SPOCK1: variants seen among roughly 807,000 people sequenced by gnomAD.
SPOCK1 encodes testican-1.
In SPOCK1, 23 loss-of-function variants were observed where a neutral mutation model predicts 55.3. That is an observed-to-expected ratio of 0.42 (90% CI 0.30 to 0.59). The LOEUF is 0.59. Among genes scored for constraint, SPOCK1 ranks in the 20% least tolerant of loss-of-function variants. SPOCK1 has a pLI of 0.22. For synonymous variants in SPOCK1, 226 were observed against 221.0 expected (o/e 1.02, Z -0.20); for missense variants, 499 against 552.5 (o/e 0.90, Z 0.97).
intron 2 of SPOCK1, among the ~76,000 whole-genome samples, chr5:137,344,934 C>T (rs1021065888): frequency 1.3e-5 from 2 of 152,222 alleles, no homozygotes; most frequent in African/African-American, 4.8e-5. Flanking sequence ...GGCAGCAGTG[C>T]TGTTAGCTTG....
intron 2 of SPOCK1, among the ~76,000 whole-genome samples, chr5:137,461,401 T>C (rs1288849917): frequency 6.6e-6 from 1 of 152,172 alleles, no homozygotes; most frequent in Non-Finnish European, 1.5e-5. Flanking sequence ...GGAAAAACCA[T>C]GGGGAACCAG....
intron 2 of SPOCK1, among the ~76,000 whole-genome samples, chr5:137,449,727 A>AAAAATAAAAT (rs374226935): frequency 0.019 from 2,860 of 151,554 alleles, 38 homozygotes; most frequent in African/African-American, 0.019. Flanking sequence ...CATCTCTATG[A>AAAAATAAAAT]AAAATAAAAT....
At chr5:137,205,434 T>A (rs1172764069) in intron 3 of SPOCK1, among the ~76,000 whole-genome samples, 1 of 152,088 alleles carries the variant, frequency 6.6e-6, no homozygotes, top group African/African-American at 2.4e-5. Flanking sequence ...TTACAGGAAA[T>A]GAATAATTGG....
chr5:137,445,617 T>C (rs1346828890), intron 2 of SPOCK1, among the ~76,000 whole-genome samples: 2 of 152,182 alleles, frequency 1.3e-5, no homozygotes, highest in African/African-American at 4.8e-5. Context: ...AGGATGATTT[T>C]TGTCATGTTA....
chr5:137,029,464 G>A (rs1751737087), intron 6 of SPOCK1, among the ~76,000 whole-genome samples: 1 of 152,188 alleles, frequency 6.6e-6, no homozygotes, highest in African/African-American at 2.4e-5. Flanking sequence ...CCCTTGTGCG[G>A]CAATTTATTT....
At chr5:137,371,370 T>A (rs1419205928) in intron 2 of SPOCK1, among the ~76,000 whole-genome samples, 1 of 152,236 alleles carries the variant, frequency 6.6e-6, no homozygotes, top group African/African-American at 2.4e-5. Context: ...CTTAGCATAG[T>A]GCTAGGCATA....
At chr5:137,291,500 T>C (rs918492574) in intron 2 of SPOCK1, among the ~76,000 whole-genome samples, 1 of 152,202 alleles carries the variant, frequency 6.6e-6, no homozygotes, top group Non-Finnish European at 1.5e-5. Context: ...GGCCCTGACA[T>C]CATGGTGTTT....
chr5:137,463,051 C>T (rs940784329), intron 2 of SPOCK1, among the ~76,000 whole-genome samples: 4 of 152,068 alleles, frequency 2.6e-5, no homozygotes, highest in South Asian at 2.1e-4. Context: ...CTGAGGACAA[C>T]GAGGAGTCAT....
At chr5:137,170,961 A>G (rs1754743588) in intron 3 of SPOCK1, among the ~76,000 whole-genome samples, 1 of 152,094 alleles carries the variant, frequency 6.6e-6, no homozygotes, top group South Asian at 2.1e-4. Flanking sequence ...CTTATCCTTA[A>G]TCACTGTGCT....
chr5:137,382,989 G>C (rs1751508436), intron 2 of SPOCK1, among the ~76,000 whole-genome samples: 1 of 152,076 alleles, frequency 6.6e-6, no homozygotes, highest in Non-Finnish European at 1.5e-5. Context: ...CCACGTAGAA[G>C]AGCCAGCACC....
intron 5 of SPOCK1, among the ~76,000 whole-genome samples, chr5:137,092,950 G>A (rs1414572583): frequency 2.6e-5 from 4 of 152,096 alleles, no homozygotes; most frequent in Admixed American, 2.0e-4. Context: ...CATGGCCAAG[G>A]GCCTGAGCAC....
chr5:137,317,809 T>G (rs982467875), intron 2 of SPOCK1, among the ~76,000 whole-genome samples: 2 of 152,220 alleles, frequency 1.3e-5, no homozygotes, highest in Non-Finnish European at 2.9e-5. Flanking sequence ...CTAGTCACGA[T>G]GGGCATATTT....
At chr5:137,000,152 G>A (rs1751122271) in intron 6 of SPOCK1, among the ~76,000 whole-genome samples, 1 of 152,158 alleles carries the variant, frequency 6.6e-6, no homozygotes, top group Non-Finnish European at 1.5e-5. Context: ...CAAGCTCGGA[G>A]GCCTCTCAGA....
chr5:137,313,398 C>G, intron 2 of SPOCK1: 1 of 985,182 alleles, frequency 1.0e-6, no homozygotes, highest in Non-Finnish European at 1.2e-6. Flanking sequence ...AAAAGTAAAG[C>G]CCAGCATTTT....
chr5:137,390,659 G>A (rs1751699927), intron 2 of SPOCK1, among the ~76,000 whole-genome samples: 1 of 152,116 alleles, frequency 6.6e-6, no homozygotes, highest in South Asian at 2.1e-4. Context: ...AACTACCAGA[G>A]GCAAAAAGGG....
intron 3 of SPOCK1, among the ~76,000 whole-genome samples, chr5:137,195,929 A>T (rs1755290543): frequency 6.6e-6 from 1 of 152,172 alleles, no homozygotes; most frequent in African/African-American, 2.4e-5. Context: ...GTCACAAAGT[A>T]TGGCCCCCAG....
intron 3 of SPOCK1, among the ~76,000 whole-genome samples, chr5:137,252,620 T>C (rs577623699): frequency 6.6e-6 from 1 of 152,318 alleles, no homozygotes; most frequent in South Asian, 2.1e-4. Flanking sequence ...GTTGACCAGA[T>C]ATAAACACTA....
intron 7 of SPOCK1, among the ~76,000 whole-genome samples, chr5:136,989,087 T>C (rs900847234): frequency 2.0e-5 from 3 of 152,228 alleles, no homozygotes; most frequent in African/African-American, 7.2e-5. Context: ...CAACATAGCA[T>C]AATCCAGAAG....
chr5:137,292,801 A>C (rs1239511335), intron 2 of SPOCK1, among the ~76,000 whole-genome samples: 1 of 152,196 alleles, frequency 6.6e-6, no homozygotes, highest in Non-Finnish European at 1.5e-5. Context: ...AATAAGAGGT[A>C]ATTAAACCCA....
Sources: gnomAD v4.1 joint callset for allele counts (sites outside exome capture counted in the v4.1 genomes callset) on GRCh38, gnomAD v4.1.1 for gene constraint, MANE v1.5 for transcripts, NCBI Gene and HGNC (gene_info 2026-07-23, HGNC 2026-07-21) for gene names.